The following DTHD1 variants were observed in gnomAD, a reference collection of about 807,000 sequenced individuals.
DTHD1 encodes the protein death domain containing 1.
In DTHD1, 59 loss-of-function variants were observed where a neutral mutation model predicts 74.8. That is an observed-to-expected ratio of 0.79 (90% confidence interval 0.64 to 0.98). The LOEUF (loss-of-function observed/expected upper bound fraction) is 0.98. DTHD1 is among the 50% of genes least tolerant of loss of function. The probability of loss-of-function intolerance (pLI) is 0.00; values close to 1 mark genes in which losing one functional copy is unlikely to be tolerated. For missense variants in DTHD1, 1,051 were observed against 1,065.4 expected (o/e 0.99, Z 0.19); for synonymous variants, 365 against 371.1 (o/e 0.98, Z 0.19).
At chr4:36,321,392 C>T (rs13131463) in intron 8 of DTHD1, among the ~76,000 whole-genome samples, 31,248 of 152,050 alleles carry the variant, frequency 0.21, 4,100 homozygotes, top group Non-Finnish European at 0.29. Context: ...AGATCAGTGG[C>T]GGCATTTGAT....
chr4:36,328,873 A>G (rs1758507347), intron 8 of DTHD1, among the ~76,000 whole-genome samples: 2 of 152,256 alleles, frequency 1.3e-5, no homozygotes, highest in South Asian at 4.1e-4. Context: ...TTCAAAAACA[A>G]TGTCCAATCA....
chr4:36,344,355 G>A lies in DTHD1; in HGVS notation c.*531G>A, dbSNP rs1477763093. 6.4e-6 allele frequency: 1 copy of A among 155,900 alleles called. No homozygotes were observed. The highest frequency in any genetic ancestry group is 2.4e-5 in the African/African-American group (1 of 41,444). 9.7% of individuals were successfully genotyped at this position (155,900 alleles called of 1,614,324 possible). On this transcript the variant is annotated 3_prime_UTR_variant, in exon 10 of 10. Coordinates refer to ENST00000639862, the MANE Select transcript of DTHD1 (RefSeq NM_001170700.3). ...AGCTTGCTTTTATGCATTTTAGGGAGTTATAATATATCAATCAATACATGT... is the reference window on the plus strand; with the variant it reads ...AGCTTGCTTTTATGCATTTTAGGGAATTATAATATATCAATCAATACATGT...
Position 36,331,770 on chromosome 4 carries a change from C to T in DTHD1, c.2341-7342C>T, listed in dbSNP as rs535221887. Reference sequence around the variant, plus strand: ...TTGACTGTATAAAATTGATGCTTAGCTACAAGGCTATGTGGCATCCATGCT... The same window carrying T: ...TTGACTGTATAAAATTGATGCTTAGTTACAAGGCTATGTGGCATCCATGCT... On this transcript the variant is annotated intron_variant, in intron 8 of 9. Transcript: ENST00000639862. 2.0e-5 allele frequency among the ~76,000 whole-genome samples: 3 copies of T among 152,246 alleles called. No homozygotes were observed. In the East Asian group the frequency reaches 5.8e-4, roughly 29 times the overall value.
intron 5 of DTHD1, 42 bp downstream of exon 5, chr4:36,295,081 C>T (rs1756322035): frequency 6.9e-7 from 1 of 1,457,242 alleles, no homozygotes. Context: ...TAATGTCAAA[C>T]AAAGAAGCTT....
chr4:36,311,197 T>C (rs531018589), intron 7 of DTHD1: 8 of 152,092 alleles, frequency 5.3e-5, no homozygotes, highest in African/African-American at 1.7e-4. Context: ...CCTATAAGGG[T>C]TGGGGAAGAG....
chr4:36,292,581 T>C (rs1756147005), intron 3 of DTHD1, among the ~76,000 whole-genome samples: 1 of 152,186 alleles, frequency 6.6e-6, no homozygotes, highest in South Asian at 2.1e-4. Flanking sequence ...TCTCACAATT[T>C]TCCCTCTGGC....
rs1034908342 is a variant in DTHD1, at chr4:36,290,468, T to C, written c.983T>C (p.Ile328Thr). The change falls in exon 3 of 10, where the codon ATA (isoleucine) becomes ACA (threonine). Residue 328 changes from isoleucine to threonine, a missense_variant. Coordinates refer to ENST00000639862, the MANE Select transcript of DTHD1 (RefSeq NM_001170700.3). ...CTACAACAACTAGAATGCCGGATAA[T>C]AAATCACATGAGTTCTTTAATAGTG... ...YVLQQLECRIINHMSSLIVGD... is the reference protein window; with the variant it reads ...YVLQQLECRITNHMSSLIVGD... 5.2e-6 allele frequency: 8 copies of C among 1,551,760 alleles called. No homozygotes were observed. The African/African-American group carries it at 5.5e-5, about 11-fold the overall frequency.
chr4:36,326,221 T>C (rs1208482139), intron 8 of DTHD1, among the ~76,000 whole-genome samples: 1 of 151,564 alleles, frequency 6.6e-6, no homozygotes, highest in African/African-American at 2.4e-5. Flanking sequence ...CCAGGAAGTA[T>C]TAGACACTGC....
At chr4:36,307,052 C>T (rs555224816) in intron 6 of DTHD1, among the ~76,000 whole-genome samples, 5 of 152,328 alleles carry the variant, frequency 3.3e-5, no homozygotes, top group East Asian at 3.9e-4. Context: ...AGTACCAAGG[C>T]GGCTGGCCTT....
intron 5 of DTHD1, among the ~76,000 whole-genome samples, chr4:36,301,439 A>C (rs1021932883): frequency 1.6e-4 from 24 of 152,116 alleles, no homozygotes; most frequent in Admixed American, 1.6e-3. Flanking sequence ...GACAGCCGTG[A>C]TTTCTGCTGC....
chr4:36,335,552 G>T (rs1375544151), intron 8 of DTHD1, among the ~76,000 whole-genome samples: 3 of 152,062 alleles, frequency 2.0e-5, no homozygotes, highest in Non-Finnish European at 4.4e-5. Flanking sequence ...ACCACTTTTT[G>T]TGTACAACAC....
chr4:36,314,744 TGAG>T lies in DTHD1; in HGVS notation c.2096-1497_2096-1495del, dbSNP rs1468734777. Among the ~76,000 whole-genome samples the T allele has an allele frequency of 3.1e-5, 4 of 130,574 alleles. No homozygotes were observed. In the Admixed American group the frequency reaches 3.2e-4, roughly 10 times the overall value. 85.7% of individuals were successfully genotyped at this position (130,574 alleles called of 152,430 possible). ...CGTCTTGACATTTCTTTAAACAATC[TGAG>T]TTTTTTTTTTTTTTTTTTTTTTTGC... On this transcript the variant is annotated intron_variant, in intron 7 of 9. Coordinates refer to ENST00000639862, the MANE Select transcript of DTHD1 (RefSeq NM_001170700.3).
intron 7 of DTHD1, among the ~76,000 whole-genome samples, chr4:36,312,413 G>A (rs895651419): frequency 6.6e-6 from 1 of 151,878 alleles, no homozygotes; most frequent in Admixed American, 6.6e-5. Flanking sequence ...GTATATTAAA[G>A]TCTAATGAAG....
At chr4:36,328,271 C>T (rs1032711306) in intron 8 of DTHD1, among the ~76,000 whole-genome samples, 1 of 152,212 alleles carries the variant, frequency 6.6e-6, no homozygotes, top group African/African-American at 2.4e-5. Context: ...AGCAATCTTA[C>T]TTCTCTGTGG....
chr4:36,332,141 C>T (rs921584939), intron 8 of DTHD1, among the ~76,000 whole-genome samples: 78 of 151,652 alleles, frequency 5.1e-4, no homozygotes, highest in African/African-American at 1.7e-3. Flanking sequence ...GTCGAGATCA[C>T]GTCATTGCAC....
rs1446003352 is a variant in DTHD1 at position 36,306,210 on chromosome 4, AGAAAACCTAG to A, written c.1669_1678del (p.Pro557MetfsTer6). 8 of 1,551,766 alleles carry A rather than the reference AGAAAACCTAG, an allele frequency of 5.2e-6. 1 individual carries two copies. In the South Asian group the frequency reaches 9.5e-5, roughly 18 times the overall value. On this transcript the variant is annotated frameshift_variant, in exon 6 of 10. Transcript: ENST00000639862. LOFTEE classifies it high-confidence loss of function. ...ATATAGGACAAAAATTGCCTCCATA[AGAAAACCTAG>A]GAAAAATGCCAGTGAATGTTTGAAA...
At position 36,345,505 on chromosome 4, in the gene DTHD1, C is replaced by T. The variant is rs563890870; in HGVS notation, c.*1681C>T. On this transcript the variant is annotated 3_prime_UTR_variant, in exon 10 of 10. Coordinates refer to ENST00000639862, the MANE Select transcript of DTHD1 (RefSeq NM_001170700.3). ...TGTTTTAATCTCTTTCAAATTTAAA[C>T]GCAAGACTTCCTTCTACAAATTAAC... The T allele has an allele frequency of 3.9e-5, 6 of 152,252 alleles. No individual in the cohort carries two copies. The highest frequency in any genetic ancestry group is 2.0e-4 in the Admixed American group (3 of 15,290). 9.4% of individuals were successfully genotyped at this position (152,252 alleles called of 1,614,324 possible).
At chr4:36,284,826 G>A (rs918080849) in intron 2 of DTHD1, among the ~76,000 whole-genome samples, 1 of 152,176 alleles carries the variant, frequency 6.6e-6, no homozygotes, top group Non-Finnish European at 1.5e-5. Context: ...GTGCCTTCTT[G>A]CTGTGTCCTC....
intron 8 of DTHD1, among the ~76,000 whole-genome samples, chr4:36,331,326 C>T (rs1355536049): frequency 3.3e-5 from 5 of 152,066 alleles, no homozygotes; most frequent in Admixed American, 6.5e-5. Context: ...TATGATTTTA[C>T]ATTACAAACT....
Sources: allele counts gnomAD v4.1 joint callset (sites outside exome capture counted in the v4.1 genomes callset), GRCh38; gene constraint gnomAD v4.1.1; transcripts MANE v1.5; gene names NCBI Gene and HGNC (gene_info 2026-07-23, HGNC 2026-07-21).